The following P3H2 variants were observed in gnomAD, a reference collection of about 807,000 sequenced individuals.
P3H2 encodes the protein prolyl 3-hydroxylase 2.
A neutral mutation model predicts 87.0 loss-of-function variants in P3H2; 80 were observed. The observed-to-expected ratio is 0.92, with a 90% CI of 0.77 to 1.11. P3H2 has a LOEUF of 1.11. Ranked by LOEUF, P3H2 falls within the 50% of genes least tolerant of loss-of-function variation. The pLI is 0.00. For missense variants in P3H2, 1,001 were observed against 923.9 expected (o/e 1.08, Z -1.08); for synonymous variants, 367 against 359.3 (o/e 1.02, Z -0.24).
At position 190,056,667 on chromosome 3, in the gene P3H2, C is replaced by T. The variant is rs9882792; in HGVS notation, c.481-61225G>A. 0.19 allele frequency among the ~76,000 whole-genome samples: 28,304 copies of T among 152,160 alleles called. 2,757 individuals are homozygous for T. The highest frequency in any genetic ancestry group is 0.22 in the Non-Finnish European group (15,113 of 67,994). On this transcript the variant is annotated intron_variant, in intron 1 of 14. Transcript: ENST00000319332. ...AGCTTCTGGGGGTCCATAGAAATGACAGAGACTTTGGTGTGAGGCTGGATA... is the reference window on the plus strand; with the variant it reads ...AGCTTCTGGGGGTCCATAGAAATGATAGAGACTTTGGTGTGAGGCTGGATA...
At chr3:190,027,905 G>T (rs1725131116) in intron 1 of P3H2, among the ~76,000 whole-genome samples, 1 of 151,074 alleles carries the variant, frequency 6.6e-6, no homozygotes, top group African/African-American at 2.4e-5. Context: ...AACCCAGAAA[G>T]TGGAGACTGC....
intron 1 of P3H2, among the ~76,000 whole-genome samples, chr3:190,026,749 G>A (rs541397868): frequency 2.4e-4 from 37 of 152,004 alleles, no homozygotes; most frequent in Admixed American, 1.2e-3. Flanking sequence ...TCTTTCTTGC[G>A]GGAGATCCAA....
At chr3:190,004,820 G>A (rs1035049408) in intron 1 of P3H2, among the ~76,000 whole-genome samples, 1 of 151,878 alleles carries the variant, frequency 6.6e-6, no homozygotes, top group Non-Finnish European at 1.5e-5. Flanking sequence ...TAATAAAGGG[G>A]GAAAAACGTT....
rs747688374 is a variant in P3H2, at chr3:189,970,840, T to G, written c.1869A>C (p.Thr623=). 7.5e-6 allele frequency: 12 copies of G among 1,589,446 alleles called. No individual in the cohort carries two copies. The highest frequency in any genetic ancestry group is 1.7e-5 in the Admixed American group (1 of 59,976). Residue 623 remains threonine (T), a synonymous_variant, in exon 13 of 15, where the codon ACA becomes ACC. Transcript: ENST00000319332. The stretch of plus-strand genomic sequence containing the variant: ...CAGTCACAGTCTTAGCATCCATCTC[T>G]GTGAATATGAATTCTCCTCCTTCAA... ...DDFEGGEFIF[T]EMDAKTVTAS...
At position 190,004,527 on chromosome 3, in the gene P3H2, C is replaced by T. The variant is rs1036982714; in HGVS notation, c.481-9085G>A. 4.6e-5 allele frequency among the ~76,000 whole-genome samples: 7 copies of T among 151,828 alleles called. No homozygotes were observed. In the East Asian group the frequency reaches 9.7e-4, roughly 21 times the overall value. ...CCTCCCGAGTAGCTGGGACTACAGGCGCCCGCCTCCACGCCCGGCTAATTT... is the reference window on the plus strand; with the variant it reads ...CCTCCCGAGTAGCTGGGACTACAGGTGCCCGCCTCCACGCCCGGCTAATTT... On this transcript the variant is annotated intron_variant, in intron 1 of 14. Coordinates refer to ENST00000319332, the MANE Select transcript of P3H2 (RefSeq NM_018192.4).
At chr3:190,066,650 A>G (rs1376943943) in intron 1 of P3H2, among the ~76,000 whole-genome samples, 1 of 152,172 alleles carries the variant, frequency 6.6e-6, no homozygotes, top group Non-Finnish European at 1.5e-5. Flanking sequence ...AAAAAAATGG[A>G]AAAAAGAATG....
At chr3:189,984,041 C>T (rs1723615933) in intron 7 of P3H2, among the ~76,000 whole-genome samples, 1 of 151,686 alleles carries the variant, frequency 6.6e-6, no homozygotes, top group South Asian at 2.1e-4. Context: ...CAAACCTGCA[C>T]GTTGTGCACA....
rs1274908165 is a variant in P3H2, at chr3:189,957,547, G to A, written c.*365C>T. 2 of 398,118 alleles carry A rather than the reference G, an allele frequency of 5.0e-6. No homozygotes were observed. The highest frequency in any genetic ancestry group is 9.0e-6 in the Non-Finnish European group (2 of 223,194). 24.7% of individuals were successfully genotyped at this position (398,118 alleles called of 1,614,324 possible). ...TGATGAAAAACCAAGAAAGAGAGCT[G>A]GGTGTGGTGGCACGTGCCTGTGGTC... On this transcript the variant is annotated 3_prime_UTR_variant, in exon 15 of 15. Transcript: ENST00000319332.
At chr3:190,050,743 T>C (rs1725956868) in intron 1 of P3H2, among the ~76,000 whole-genome samples, 1 of 152,192 alleles carries the variant, frequency 6.6e-6, no homozygotes, top group Admixed American at 6.5e-5. Context: ...TTGGTCATCT[T>C]TTCTCAGTTA....
At chr3:190,031,289 C>A (rs1270658633) in intron 1 of P3H2, among the ~76,000 whole-genome samples, 1 of 151,688 alleles carries the variant, frequency 6.6e-6, no homozygotes, top group African/African-American at 2.4e-5. Context: ...AAAATAAGAC[C>A]AAAATAAACC....
At chr3:189,967,348 A>G (rs1346942929) in intron 13 of P3H2, among the ~76,000 whole-genome samples, 1 of 150,926 alleles carries the variant, frequency 6.6e-6, no homozygotes, top group African/African-American at 2.4e-5. Flanking sequence ...GGAGAATATT[A>G]TCTGCTTTCA....
chr3:190,045,673 T>A (rs1401536419), intron 1 of P3H2, among the ~76,000 whole-genome samples: 1 of 152,096 alleles, frequency 6.6e-6, no homozygotes, highest in Admixed American at 6.5e-5. Context: ...TGACTTTAAG[T>A]AAGACAGAGT....
At chr3:190,023,314 G>A (rs989969702) in intron 1 of P3H2, among the ~76,000 whole-genome samples, 5 of 152,286 alleles carry the variant, frequency 3.3e-5, no homozygotes, top group Middle Eastern at 3.4e-3. Flanking sequence ...GATGATGAGT[G>A]TGTTACTCCA....
intron 1 of P3H2, among the ~76,000 whole-genome samples, chr3:190,096,870 T>C (rs959445561): frequency 1.3e-5 from 2 of 152,196 alleles, no homozygotes; most frequent in Admixed American, 1.3e-4. Flanking sequence ...GACATCTTTT[T>C]ATGAAAAGAT....
At chr3:190,055,468 T>C (rs866062923) in intron 1 of P3H2, among the ~76,000 whole-genome samples, 3 of 151,054 alleles carry the variant, frequency 2.0e-5, no homozygotes, top group African/African-American at 4.8e-5. Context: ...CAAGAATCTT[T>C]AGATATTAAA....
intron 1 of P3H2, among the ~76,000 whole-genome samples, chr3:190,014,712 G>A (rs373617410): frequency 1.3e-5 from 2 of 152,224 alleles, no homozygotes; most frequent in South Asian, 2.1e-4. Flanking sequence ...GCTCTTGGTG[G>A]CCTCGTGGCT....
intron 1 of P3H2, among the ~76,000 whole-genome samples, chr3:190,014,746 T>C (rs1577273619): frequency 6.6e-6 from 1 of 152,138 alleles, no homozygotes; most frequent in Non-Finnish European, 1.5e-5. Context: ...GGCCTTAGCA[T>C]GGAAGCCTCT....
intron 8 of P3H2, among the ~76,000 whole-genome samples, chr3:189,980,785 T>C (rs1401347816): frequency 6.6e-6 from 1 of 152,162 alleles, no homozygotes; most frequent in Non-Finnish European, 1.5e-5. Flanking sequence ...CTTTTTTACT[T>C]ATAATGAGAT....
chr3:190,107,897 GTC>G (rs111306395), intron 1 of P3H2, among the ~76,000 whole-genome samples: 17,556 of 151,916 alleles, frequency 0.12, 1,099 homozygotes, highest in Middle Eastern at 0.2. Context: ...ATTTTTCACT[GTC>G]TCTGTTTCCA....
Sources: allele counts gnomAD v4.1 joint callset (sites outside exome capture counted in the v4.1 genomes callset), GRCh38; gene constraint gnomAD v4.1.1; transcripts MANE v1.5; gene names NCBI Gene and HGNC (gene_info 2026-07-23, HGNC 2026-07-21).